Variants in MPPED2 observed in about 807,000 individuals in gnomAD.
MPPED2 encodes metallophosphoesterase MPPED2.
MPPED2 carries 5 observed loss-of-function variants against 33.0 expected under a neutral mutation model. That is an observed-to-expected ratio of 0.15 (90% CI 0.08 to 0.32). The LOEUF (loss-of-function observed/expected upper bound fraction) is 0.32, where lower values mean the gene tolerates loss of function less well. Among genes scored for constraint, MPPED2 ranks in the 10% least tolerant of loss-of-function variants. The pLI is 1.00. For missense variants in MPPED2, 275 were observed against 372.1 expected, an observed-to-expected ratio of 0.74 and a Z score of 2.15; for synonymous variants, 136 against 141.9, an observed-to-expected ratio of 0.96 and a Z score of 0.29.
chr11:30,526,003 A>G (rs904370582), intron 3 of MPPED2, among the ~76,000 whole-genome samples: 23 of 152,088 alleles, frequency 1.5e-4, no homozygotes, highest in African/African-American at 5.6e-4. Flanking sequence ...TGGGTTCATT[A>G]TTTTCCCCCA....
At chr11:30,467,391 A>T (rs1281433844) in intron 4 of MPPED2, among the ~76,000 whole-genome samples, 1 of 152,214 alleles carries the variant, frequency 6.6e-6, no homozygotes, top group Admixed American at 6.5e-5. Flanking sequence ...CTCAGCTGGC[A>T]CAGCTGTGTG....
At chr11:30,527,662 A>C (rs1361599843) in intron 3 of MPPED2, among the ~76,000 whole-genome samples, 2 of 152,074 alleles carry the variant, frequency 1.3e-5, no homozygotes, top group African/African-American at 4.8e-5. Context: ...TTGGAAGGGG[A>C]CAGCATCAGG....
chr11:30,459,148 C>T (rs1334177271), intron 4 of MPPED2, among the ~76,000 whole-genome samples: 4 of 151,678 alleles, frequency 2.6e-5, no homozygotes. Flanking sequence ...GGGATGGTCT[C>T]GATCTCCTGA....
chr11:30,394,776 T>G (rs1475160985), intron 6 of MPPED2, among the ~76,000 whole-genome samples: 3 of 152,210 alleles, frequency 2.0e-5, no homozygotes, highest in African/African-American at 7.2e-5. Flanking sequence ...CTTACAAATT[T>G]TTTTCTATCA....
At chr11:30,521,631 C>T (rs1484369282) in intron 3 of MPPED2, among the ~76,000 whole-genome samples, 1 of 152,192 alleles carries the variant, frequency 6.6e-6, no homozygotes, top group African/African-American at 2.4e-5. Flanking sequence ...GACACCACGC[C>T]GTATCTTTTG....
chr11:30,425,035 T>G (rs1340880502), intron 4 of MPPED2, among the ~76,000 whole-genome samples: 2 of 152,178 alleles, frequency 1.3e-5, no homozygotes, highest in Non-Finnish European at 1.5e-5. Flanking sequence ...TCACTACGAC[T>G]TTGTAGCTTG....
At chr11:30,455,180 A>G (rs1950228850) in intron 4 of MPPED2, among the ~76,000 whole-genome samples, 1 of 152,222 alleles carries the variant, frequency 6.6e-6, no homozygotes, top group Non-Finnish European at 1.5e-5. Context: ...AAACGTCACT[A>G]CATATTGCTG....
intron 3 of MPPED2, among the ~76,000 whole-genome samples, chr11:30,510,725 A>C (rs1206697462): frequency 1.3e-5 from 2 of 152,154 alleles, no homozygotes; most frequent in East Asian, 3.8e-4. Flanking sequence ...TTATTTTTTA[A>C]AATTGAATTA....
intron 6 of MPPED2, among the ~76,000 whole-genome samples, chr11:30,402,089 G>T (rs970142086): frequency 7.2e-5 from 11 of 152,128 alleles, no homozygotes; most frequent in Non-Finnish European, 1.6e-4. Context: ...GAAGGAGAAT[G>T]TCTCTACTGA....
At chr11:30,388,960 A>T (rs1339405824) in intron 6 of MPPED2, 1 of 1,558,376 alleles carries the variant, frequency 6.4e-7, no homozygotes, top group Admixed American at 1.9e-5. Context: ...GGGTTTACTA[A>T]AGGGGAGAGA....
intron 4 of MPPED2, among the ~76,000 whole-genome samples, chr11:30,448,361 C>A (rs1007067422): frequency 6.6e-6 from 1 of 152,184 alleles, no homozygotes; most frequent in Non-Finnish European, 1.5e-5. Context: ...GAGCCTGCAG[C>A]AGGAGCACCT....
At chr11:30,579,229 T>G (rs1957060608) in intron 2 of MPPED2, among the ~76,000 whole-genome samples, 1 of 152,058 alleles carries the variant, frequency 6.6e-6, no homozygotes, top group Non-Finnish European at 1.5e-5. Context: ...CTATTTTTTT[T>G]TAAATGCTCA....
In MPPED2 at chr11:30,461,179, G is replaced by A. The variant is rs184225534; in HGVS notation, c.536+34117C>T. Among the ~76,000 whole-genome samples the A allele has an allele frequency of 4.0e-3, 603 of 152,214 alleles. 3 individuals are homozygous for A. The highest frequency in any genetic ancestry group is 5.9e-3 in the Admixed American group (90 of 15,292). On this transcript the variant is annotated intron_variant, in intron 4 of 6. Transcript: ENST00000358117. ...CTAAAATAGTCAAGTTCGTATAGAC[G>A]GAAGGTAGAATGGTGGTTGCTAGGG...
intron 3 of MPPED2, among the ~76,000 whole-genome samples, chr11:30,503,241 G>A (rs1458159045): frequency 6.6e-6 from 1 of 152,044 alleles, no homozygotes; most frequent in Non-Finnish European, 1.5e-5. Flanking sequence ...AGACGTGTAG[G>A]CTTCCCCTTC....
In MPPED2 at chr11:30,386,529, C is replaced by T. The variant is rs555748952; in HGVS notation, c.*2360G>A. On this transcript the variant is annotated 3_prime_UTR_variant, in exon 7 of 7. Transcript: ENST00000448418. ...CTTGCAGAACTGTGATTTAAATAAACCTCTTTTCTTTATAAAATACCCAGT... is the reference window on the plus strand; with the variant it reads ...CTTGCAGAACTGTGATTTAAATAAATCTCTTTTCTTTATAAAATACCCAGT... 15 of 389,028 alleles carry T rather than the reference C, an allele frequency of 3.9e-5. No homozygotes were observed. In the East Asian group the frequency reaches 4.7e-4, roughly 12 times the overall value. The allele number at this position is 389,028 out of a possible 1,614,324, so 24.1% of individuals were successfully genotyped here.
chr11:30,497,878 A>G (rs2134223391), intron 3 of MPPED2, among the ~76,000 whole-genome samples: 1 of 152,260 alleles, frequency 6.6e-6, no homozygotes, highest in South Asian at 2.1e-4. Flanking sequence ...CAACAAACTC[A>G]TCTTTTTCCG....
intron 4 of MPPED2, among the ~76,000 whole-genome samples, chr11:30,494,482 A>G (rs760392716): frequency 2.0e-5 from 3 of 152,176 alleles, no homozygotes; most frequent in Non-Finnish European, 4.4e-5. Context: ...TTATACCTGT[A>G]ATCCCAGCAC....
chr11:30,532,939 A>C (rs1381302014), intron 3 of MPPED2, among the ~76,000 whole-genome samples: 1 of 152,214 alleles, frequency 6.6e-6, no homozygotes. Context: ...TTGCTAAGTC[A>C]AGGGTGAGAT....
At chr11:30,564,983 G>C (rs1956384278) in intron 2 of MPPED2, among the ~76,000 whole-genome samples, 1 of 152,128 alleles carries the variant, frequency 6.6e-6, no homozygotes, top group Non-Finnish European at 1.5e-5. Context: ...AAATGTAAGA[G>C]TGAGTTATAT....
Sources: allele counts gnomAD v4.1 joint callset (sites outside exome capture counted in the v4.1 genomes callset), GRCh38; gene constraint gnomAD v4.1.1; transcripts MANE v1.5; gene names NCBI Gene and HGNC (gene_info 2026-07-23, HGNC 2026-07-21).